MDGA2: variants seen among roughly 807,000 people sequenced by gnomAD.
MDGA2 encodes the protein MAM domain-containing glycosylphosphatidylinositol anchor protein 2.
Under a neutral mutation model 117.8 loss-of-function variants are expected in MDGA2, and 40 were observed. That is an observed-to-expected ratio of 0.34 (90% confidence interval 0.26 to 0.44). The LOEUF is 0.44. Ranked by LOEUF, MDGA2 falls within the 20% of genes least tolerant of loss-of-function variation. MDGA2 has a pLI of 1.00. For synonymous variants in MDGA2, 452 were observed against 439.0 expected, an observed-to-expected ratio of 1.03 and a Z score of -0.37; for missense variants, 1,123 against 1,250.6, an observed-to-expected ratio of 0.90 and a Z score of 1.54.
At chr14:47,317,153 A>G (rs982776317) in intron 1 of MDGA2, among the ~76,000 whole-genome samples, 2 of 152,140 alleles carry the variant, frequency 1.3e-5, no homozygotes, top group African/African-American at 2.4e-5. Flanking sequence ...AGAGCACCTC[A>G]GTAACAATGA....
chr14:47,368,873 T>TA (rs1891286652), intron 1 of MDGA2, among the ~76,000 whole-genome samples: 2 of 152,102 alleles, frequency 1.3e-5, no homozygotes, highest in South Asian at 4.1e-4. Context: ...ATTTATACCT[T>TA]AAAAAATCAG....
At chr14:47,570,039 C>T (rs142216929) in intron 1 of MDGA2, among the ~76,000 whole-genome samples, 1 of 152,178 alleles carries the variant, frequency 6.6e-6, no homozygotes, top group East Asian at 1.9e-4. Context: ...TAACCTCACA[C>T]ATTGATCAAA....
At chr14:46,893,661 TA>T (rs1882968960) in intron 10 of MDGA2, among the ~76,000 whole-genome samples, 1 of 152,044 alleles carries the variant, frequency 6.6e-6, no homozygotes, top group African/African-American at 2.4e-5. Flanking sequence ...AAGACAAATT[TA>T]AAAATTATTA....
At chr14:47,550,969 G>T (rs925412414) in intron 1 of MDGA2, among the ~76,000 whole-genome samples, 55 of 152,102 alleles carry the variant, frequency 3.6e-4, no homozygotes, top group African/African-American at 1.3e-3. Context: ...GATCTCTATG[G>T]AACATGTAGG....
intron 8 of MDGA2, among the ~76,000 whole-genome samples, chr14:47,009,717 T>TCAGA (rs755948372): frequency 2.0e-5 from 3 of 152,040 alleles, no homozygotes; most frequent in Non-Finnish European, 4.4e-5. Context: ...ACTTACTGAA[T>TCAGA]CAGATTAGAT....
intron 10 of MDGA2, among the ~76,000 whole-genome samples, chr14:46,906,131 T>C (rs144580295): frequency 2.4e-4 from 37 of 152,078 alleles, no homozygotes; most frequent in African/African-American, 8.4e-4. Context: ...CTAGATACTG[T>C]ACTGTAGAAT....
intron 3 of MDGA2, among the ~76,000 whole-genome samples, chr14:47,182,852 G>T (rs796743899): frequency 1.3e-5 from 2 of 151,818 alleles, no homozygotes; most frequent in African/African-American, 4.8e-5. Flanking sequence ...GGGTTTTTTT[G>T]GGAAACTTTT....
At chr14:47,175,810 C>G (rs1884416997) in intron 3 of MDGA2, among the ~76,000 whole-genome samples, 1 of 148,932 alleles carries the variant, frequency 6.7e-6, no homozygotes, top group South Asian at 2.1e-4. Flanking sequence ...GGCAATTAAG[C>G]AGGAGAAGGA....
chr14:47,546,358 C>T (rs1895463272), intron 1 of MDGA2, among the ~76,000 whole-genome samples: 1 of 151,966 alleles, frequency 6.6e-6, no homozygotes, highest in African/African-American at 2.4e-5. Context: ...CAGGTGGTTG[C>T]TCTGGGGAAA....
chr14:47,407,991 T>G (rs1367057512), intron 1 of MDGA2, among the ~76,000 whole-genome samples: 6 of 151,952 alleles, frequency 3.9e-5, no homozygotes, highest in Non-Finnish European at 8.8e-5. Context: ...GACTATTGTA[T>G]TCCATGGCAC....
Position 47,543,975 on chromosome 14 carries a change from T to C in MDGA2, c.280+130542A>G, listed in dbSNP as rs1052595922. Among the ~76,000 whole-genome samples the C allele has an allele frequency of 1.3e-3, 199 of 152,344 alleles. 5 individuals carry two copies. The highest frequency in any genetic ancestry group is 0.013 in the Admixed American group (198 of 15,306). The stretch of plus-strand genomic sequence containing the variant: ...TTAACTTTGTTTAATCCAGTGTCTT[T>C]CCATTATATTTACTAGGAAACATTT... On this transcript the variant is annotated intron_variant, in intron 1 of 16. Coordinates refer to ENST00000399232, the MANE Select transcript of MDGA2 (RefSeq NM_001113498.3).
intron 2 of MDGA2, among the ~76,000 whole-genome samples, chr14:47,239,392 A>G (rs1566696944): frequency 6.6e-6 from 1 of 151,774 alleles, no homozygotes; most frequent in Non-Finnish European, 1.5e-5. Flanking sequence ...ATTACTGTAC[A>G]TTGTGTAAAA....
chr14:47,089,879 T>G (rs1026305880), intron 6 of MDGA2, among the ~76,000 whole-genome samples: 2 of 152,048 alleles, frequency 1.3e-5, no homozygotes, highest in Non-Finnish European at 2.9e-5. Context: ...AATAATAATT[T>G]TTTACCTGAT....
intron 2 of MDGA2, among the ~76,000 whole-genome samples, chr14:47,236,881 G>A (rs1886882846): frequency 6.6e-6 from 1 of 152,228 alleles, no homozygotes; most frequent in East Asian, 1.9e-4. Flanking sequence ...AACTTTGCTT[G>A]CAAAATAAGC....
At chr14:46,857,504 T>C (rs2933216) in intron 14 of MDGA2, among the ~76,000 whole-genome samples, 152,002 of 152,224 alleles carry the variant, frequency 1, 75,892 homozygotes, top group Middle Eastern at 1. Context: ...TTCTTTCTCT[T>C]TCAGGCTGCT....
chr14:47,073,195 A>G (rs2138850281), intron 6 of MDGA2, among the ~76,000 whole-genome samples: 1 of 152,322 alleles, frequency 6.6e-6, no homozygotes, highest in African/African-American at 2.4e-5. Context: ...GAATATCTAA[A>G]TACCTGATAT....
rs566896376 is a variant in MDGA2, at chr14:47,112,960, T to C, written c.926-15837A>G. Among the ~76,000 whole-genome samples the C allele has an allele frequency of 1.7e-3, 252 of 152,286 alleles. 8 individuals carry two copies. In the South Asian group the frequency reaches 0.048, roughly 29 times the overall value. On this transcript the variant is annotated intron_variant, in intron 5 of 16. Transcript: ENST00000399232. The stretch of plus-strand genomic sequence containing the variant: ...CTGACTGGCATGAGGTGGTATCTCA[T>C]TGTGGTTTTCATTTGCATTTCTCTA...
At chr14:47,074,778 A>G (rs1354786931) in intron 6 of MDGA2, among the ~76,000 whole-genome samples, 3 of 152,080 alleles carry the variant, frequency 2.0e-5, no homozygotes, top group Admixed American at 6.5e-5. Context: ...CTCCGTCTAC[A>G]CTATCACTTC....
chr14:47,267,385 T>C (rs1888001322), intron 2 of MDGA2, among the ~76,000 whole-genome samples: 1 of 152,196 alleles, frequency 6.6e-6, no homozygotes, highest in African/African-American at 2.4e-5. Context: ...TGAATGTTTT[T>C]ATATGTATTC....
Sources: gnomAD v4.1 joint callset for allele counts (sites outside exome capture counted in the v4.1 genomes callset) on GRCh38, gnomAD v4.1.1 for gene constraint, MANE v1.5 for transcripts, NCBI Gene and HGNC (gene_info 2026-07-23, HGNC 2026-07-21) for gene names.